UBE2H: variants seen among roughly 807,000 people sequenced by gnomAD.
UBE2H encodes the protein ubiquitin conjugating enzyme E2 H, also known as ubiquitin-conjugating enzyme E2 H.
UBE2H carries 3 observed loss-of-function variants against 29.0 expected under a neutral mutation model. The ratio of observed to expected loss-of-function variants is 0.10; its 90% CI spans 0.05 to 0.27. The LOEUF (loss-of-function observed/expected upper bound fraction) is 0.27, where lower values mean the gene tolerates loss of function less well. Among genes scored for constraint, UBE2H ranks in the 10% least tolerant of loss-of-function variants. The pLI is 1.00. For synonymous variants in UBE2H, 69 were observed against 82.9 expected (o/e 0.83, Z 0.91); for missense variants, 68 against 228.2 (o/e 0.30, Z 4.52).
At chr7:129,895,322 C>T (rs1348182787) in intron 1 of UBE2H, among the ~76,000 whole-genome samples, 3 of 152,040 alleles carry the variant, frequency 2.0e-5, no homozygotes, top group South Asian at 2.1e-4. Context: ...GGAGGGGAGA[C>T]GAAACCATTG....
intron 1 of UBE2H, among the ~76,000 whole-genome samples, chr7:129,934,996 T>G (rs987830348): frequency 4.0e-5 from 6 of 151,296 alleles, no homozygotes; most frequent in Non-Finnish European, 4.4e-5. Context: ...TATATATGTG[T>G]GTGTATATGT....
chr7:129,946,643 ATTAT>A (rs952666852), intron 1 of UBE2H, among the ~76,000 whole-genome samples: 7 of 152,046 alleles, frequency 4.6e-5, no homozygotes, highest in South Asian at 2.1e-4. Flanking sequence ...TCTCCAGGTG[ATTAT>A]TTGTTTTTTG....
chr7:129,900,997 G>A (rs1478613112), intron 1 of UBE2H, among the ~76,000 whole-genome samples: 1 of 152,060 alleles, frequency 6.6e-6, no homozygotes, highest in Non-Finnish European at 1.5e-5. Context: ...TGATCCACTC[G>A]CCTTGGCCTC....
chr7:129,943,289 C>T (rs7789336), intron 1 of UBE2H, among the ~76,000 whole-genome samples: 27,916 of 152,204 alleles, frequency 0.18, 2,836 homozygotes, highest in African/African-American at 0.26. Flanking sequence ...CTGCCTCAGC[C>T]CCCAGAGTAG....
At chr7:129,915,669 A>T (rs1276563378) in intron 1 of UBE2H, among the ~76,000 whole-genome samples, 2 of 152,228 alleles carry the variant, frequency 1.3e-5, no homozygotes, top group Non-Finnish European at 2.9e-5. Flanking sequence ...ACAGAAAGGC[A>T]TCTGTTTAGA....
intron 1 of UBE2H, among the ~76,000 whole-genome samples, chr7:129,929,556 GA>G (rs1272341273): frequency 6.6e-6 from 1 of 151,740 alleles, no homozygotes; most frequent in Non-Finnish European, 1.5e-5. Flanking sequence ...TAAGATGTGG[GA>G]AAAAAAGGTC....
chr7:129,874,100 T>C (rs890444718), intron 3 of UBE2H, among the ~76,000 whole-genome samples: 51 of 152,166 alleles, frequency 3.4e-4, no homozygotes, highest in Non-Finnish European at 1.6e-4. Flanking sequence ...TCTATAGTTC[T>C]ATCTGAAATT....
At chr7:129,912,878 TA>T (rs1806966259) in intron 1 of UBE2H, among the ~76,000 whole-genome samples, 1 of 150,964 alleles carries the variant, frequency 6.6e-6, no homozygotes, top group Non-Finnish European at 1.5e-5. Context: ...AATTAATCAC[TA>T]AAAATTTTCC....
chr7:129,936,241 G>A (rs908937154), intron 1 of UBE2H, among the ~76,000 whole-genome samples: 2 of 152,166 alleles, frequency 1.3e-5, no homozygotes, highest in Non-Finnish European at 2.9e-5. Flanking sequence ...TCATTCAAGT[G>A]AGTAATATGC....
intron 1 of UBE2H, among the ~76,000 whole-genome samples, chr7:129,950,414 T>C (rs1451413785): frequency 6.6e-6 from 1 of 151,968 alleles, no homozygotes; most frequent in Non-Finnish European, 1.5e-5. Flanking sequence ...AAAGACACCC[T>C]GCTGTTCTTT....
At chr7:129,939,788 T>C (rs992393097) in intron 1 of UBE2H, among the ~76,000 whole-genome samples, 1 of 151,942 alleles carries the variant, frequency 6.6e-6, no homozygotes, top group Non-Finnish European at 1.5e-5. Context: ...TGAAACCCCA[T>C]CTCTACTAAA....
chr7:129,911,544 T>G (rs193296125), intron 1 of UBE2H, among the ~76,000 whole-genome samples: 1 of 152,270 alleles, frequency 6.6e-6, no homozygotes, highest in East Asian at 1.9e-4. Flanking sequence ...AGGGGCCTGT[T>G]GGGATCGTCT....
chr7:129,860,602 T>C (rs1443808969), intron 3 of UBE2H, among the ~76,000 whole-genome samples: 2 of 152,040 alleles, frequency 1.3e-5, no homozygotes, highest in Non-Finnish European at 2.9e-5. Context: ...ACCCTGTCAA[T>C]GGGATAGGGT....
At chr7:129,883,699 G>T (rs895515923) in intron 1 of UBE2H, among the ~76,000 whole-genome samples, 1 of 152,132 alleles carries the variant, frequency 6.6e-6, no homozygotes, top group Non-Finnish European at 1.5e-5. Context: ...AAAATTAGCT[G>T]GGCGTGGTGG....
intron 1 of UBE2H, among the ~76,000 whole-genome samples, chr7:129,936,365 C>T (rs1323804955): frequency 2.0e-5 from 3 of 152,092 alleles, no homozygotes; most frequent in African/African-American, 7.2e-5. Context: ...GAGGCCGAGG[C>T]GGGCAGATCA....
At chr7:129,908,063 C>A (rs995075195) in intron 1 of UBE2H, among the ~76,000 whole-genome samples, 2 of 152,164 alleles carry the variant, frequency 1.3e-5, no homozygotes, top group African/African-American at 4.8e-5. Context: ...GTTCAATATT[C>A]ACCAGCACAC....
intron 1 of UBE2H, among the ~76,000 whole-genome samples, chr7:129,930,909 CAAAAA>C (rs71175050): frequency 2.9e-5 from 1 of 34,288 alleles, no homozygotes; most frequent in Non-Finnish European, 5.1e-5. Flanking sequence ...CCCCGTCTCA[CAAAAA>C]AAAAAAAAAA....
chr7:129,867,699 T>TAAAA (rs59742626), intron 3 of UBE2H, among the ~76,000 whole-genome samples: 1 of 29,640 alleles, frequency 3.4e-5, no homozygotes. Flanking sequence ...TAGAGTATAA[T>TAAAA]AAAAAAAAAA....
chr7:129,924,219 G>A (rs766742266), intron 1 of UBE2H, among the ~76,000 whole-genome samples: 3 of 152,040 alleles, frequency 2.0e-5, no homozygotes, highest in Non-Finnish European at 2.9e-5. Flanking sequence ...AAAAACATTT[G>A]TTTAAAATTA....
Sources: gnomAD v4.1 joint callset for allele counts (sites outside exome capture counted in the v4.1 genomes callset) on GRCh38, gnomAD v4.1.1 for gene constraint, MANE v1.5 for transcripts, NCBI Gene and HGNC (gene_info 2026-07-23, HGNC 2026-07-21) for gene names.